Variants in IRS1 observed in about 807,000 individuals in gnomAD.
The protein encoded by IRS1 is insulin receptor substrate 1.
In IRS1, 34 loss-of-function variants were observed where a neutral mutation model predicts 65.6. The observed-to-expected ratio is 0.52, with a 90% CI of 0.39 to 0.69. The LOEUF is 0.69. IRS1 is among the 30% of genes least tolerant of loss of function. The probability of loss-of-function intolerance (pLI) is 0.00; values close to 1 mark genes in which losing one functional copy is unlikely to be tolerated. For synonymous variants in IRS1, 699 were observed against 683.5 expected (o/e 1.02, Z -0.35); for missense variants, 1,641 against 1,720.2 (o/e 0.95, Z 0.81).
At chr2:226,758,490 C>T (rs1452406252) in intron 1 of IRS1, among the ~76,000 whole-genome samples, 1 of 152,080 alleles carries the variant, frequency 6.6e-6, no homozygotes, top group Admixed American at 6.6e-5. Flanking sequence ...AGTTGAATAT[C>T]AGGAAAATGT....
rs1938260281 is a variant in IRS1, at chr2:226,733,051, G to A, written c.*3221C>T. ...TCATGGCTCTCGTTGTCAGTGGATG[G>A]TGAAACCCTTTCCCCCCTTTTTTTA... On this transcript the variant is annotated 3_prime_UTR_variant, in exon 2 of 2. Coordinates refer to ENST00000305123, the MANE Select transcript of IRS1 (RefSeq NM_005544.3). The A allele has an allele frequency of 6.6e-6, 1 of 152,150 alleles. No homozygotes were observed. The highest frequency in any genetic ancestry group is 1.5e-5 in the Non-Finnish European group (1 of 68,038). 9.4% of individuals were successfully genotyped at this position (152,150 alleles called of 1,614,324 possible). A position where few individuals can be genotyped will look rare whatever the true frequency, so the allele number is the denominator to read the frequency against.
chr2:226,751,573 G>A (rs1189997585), intron 1 of IRS1, among the ~76,000 whole-genome samples: 5 of 152,094 alleles, frequency 3.3e-5, no homozygotes, highest in Admixed American at 1.3e-4. Context: ...GTGAGCCACC[G>A]CGCCCGGCCG....
chr2:226,792,670 C>T (rs768872007), intron 1 of IRS1, among the ~76,000 whole-genome samples: 6 of 152,200 alleles, frequency 3.9e-5, no homozygotes, highest in Middle Eastern at 3.2e-3. Flanking sequence ...CCTCATCATA[C>T]CTCTATTCCT....
chr2:226,790,334 A>T (rs967942776), intron 1 of IRS1, among the ~76,000 whole-genome samples: 21 of 138,178 alleles, frequency 1.5e-4, no homozygotes, highest in South Asian at 8.9e-4. Flanking sequence ...ATTGTGATTT[A>T]AAAAAAAAAA....
At chr2:226,745,358 G>A (rs138752897) in intron 1 of IRS1, among the ~76,000 whole-genome samples, 30 of 152,302 alleles carry the variant, frequency 2.0e-4, no homozygotes, top group African/African-American at 7.2e-4. Flanking sequence ...ATTAAAAAAT[G>A]TACTTTAGGG....
Position 226,769,689 on chromosome 2 carries a change from T to C in IRS1, c.*21+25300A>G, listed in dbSNP as rs371464353. Among the ~76,000 whole-genome samples the C allele has an allele frequency of 2.6e-5, 4 of 152,222 alleles. No individual in the cohort carries two copies. In the East Asian group the frequency reaches 5.8e-4, roughly 22 times the overall value. ...ATTGTTTTAGTAGGAATGAGGCAGA[T>C]AACAGGGAAGGACTACTCTTGTCGT... is the stretch of plus-strand genomic sequence containing the variant. On this transcript the variant is annotated intron_variant, in intron 1 of 1. Transcript: ENST00000305123.
In IRS1 at chr2:226,799,257, G is replaced by T; in HGVS notation, c.-519C>A. 1 of 1,142,520 alleles carries T rather than the reference G, an allele frequency of 8.8e-7. No homozygotes were observed. Among genetic ancestry groups the T allele is most frequent in the Non-Finnish European group, 1.1e-6 (1 of 910,742 alleles). The allele number at this position is 1,142,520 out of a possible 1,614,324, so 70.8% of individuals were successfully genotyped here. ...GTTGCCAAGTCCCAACGTTGCACGG[G>T]GTTCTCCCTCCTCCTTCGCCTCCTC... On this transcript the variant is annotated 5_prime_UTR_variant, in exon 1 of 2. Transcript: ENST00000305123. The surrounding 1 kb of genome is among the most constrained non-coding windows in gnomAD (Gnocchi z 6.1).
chr2:226,765,579 T>C (rs761577821), intron 1 of IRS1, among the ~76,000 whole-genome samples: 32 of 152,188 alleles, frequency 2.1e-4, no homozygotes, highest in Non-Finnish European at 4.0e-4. Flanking sequence ...TAATGGACTT[T>C]CCTAGGCTCA....
At position 226,797,543 on chromosome 2, in the gene IRS1, C is replaced by A; in HGVS notation, c.1196G>T (p.Gly399Val). 6.2e-7 allele frequency: 1 copy of A among 1,607,798 alleles called. No homozygotes were observed. The highest frequency in any genetic ancestry group is 8.5e-7 in the Non-Finnish European group (1 of 1,178,006). Residue 399 changes from glycine to valine, a missense_variant, in exon 1 of 2, where the codon GGC becomes GTC. Physicochemically the swap from Gly to Val is moderately radical, Grantham distance 109. This residue lies in a region of IRS1 where 1,324 missense variants were observed against 1,361.0 expected (regional missense o/e 0.97). Transcript: ENST00000305123. This position sits in a 1 kb window ranked among gnomAD's most constrained non-coding sequence, Gnocchi z 8.1. ...PVSLSSSSTS[G>V]HGSTSDCLFP... ...GAGACAATCCGAGGTGGAGCCATGG[C>A]CACTGGTGCTACTGGACGACAGACT...
intron 1 of IRS1, among the ~76,000 whole-genome samples, chr2:226,771,919 T>C (rs1939173254): frequency 6.6e-6 from 1 of 152,212 alleles, no homozygotes; most frequent in South Asian, 2.1e-4. Flanking sequence ...GATTTATACT[T>C]ACAGCTTGTA....
At chr2:226,778,598 A>C (rs1238251457) in intron 1 of IRS1, among the ~76,000 whole-genome samples, 1 of 152,198 alleles carries the variant, frequency 6.6e-6, no homozygotes, top group African/African-American at 2.4e-5. Flanking sequence ...CCACTTTTGC[A>C]TAATAGTCTT....
chr2:226,796,278 A>C lies in IRS1; in HGVS notation c.2461T>G (p.Cys821Gly), dbSNP rs764836359. ...TSSDSLGGGY[C>G]GARLEPSLPH... Reference sequence around the variant, plus strand: ...AGGCTGGGCTCCAGCCTAGCCCCGCAGTATCCCCCACCCAGGCTGTCGCTG... The same window carrying C: ...AGGCTGGGCTCCAGCCTAGCCCCGCCGTATCCCCCACCCAGGCTGTCGCTG... The change falls in exon 1 of 2, where the codon TGC becomes GGC. Residue 821 changes from cysteine to glycine, a missense_variant. Cys to Gly is a radical substitution (Grantham distance 159). Coordinates refer to ENST00000305123, the MANE Select transcript of IRS1 (RefSeq NM_005544.3). 18 of 1,613,440 alleles carry C rather than the reference A, an allele frequency of 1.1e-5. No individual in the cohort carries two copies. In the South Asian group the frequency reaches 2.0e-4, roughly 18 times the overall value.
At chr2:226,774,809 A>T (rs1377691562) in intron 1 of IRS1, among the ~76,000 whole-genome samples, 1 of 152,238 alleles carries the variant, frequency 6.6e-6, no homozygotes, top group Admixed American at 6.5e-5. Flanking sequence ...TCTTAACTGC[A>T]TATTGCTAAG....
At chr2:226,737,990 G>A (rs1938363168) in intron 1 of IRS1, among the ~76,000 whole-genome samples, 2 of 152,178 alleles carry the variant, frequency 1.3e-5, no homozygotes, top group Non-Finnish European at 2.9e-5. Flanking sequence ...AGAGGATGTG[G>A]CTTCACTGGA....
In IRS1 at chr2:226,798,740, C is replaced by T. The variant is rs1218095216; in HGVS notation, c.-2G>A. On this transcript the variant is annotated 5_prime_UTR_variant, in exon 1 of 2. Coordinates refer to ENST00000305123, the MANE Select transcript of IRS1 (RefSeq NM_005544.3). This position sits in a 1 kb window ranked among gnomAD's most constrained non-coding sequence, Gnocchi z 9.4. ...ATCGCTCTCCGGAGGGCTCGCCATGCTGCCACCGCCACCACCAACGCTGAG... is the reference window on the plus strand; with the variant it reads ...ATCGCTCTCCGGAGGGCTCGCCATGTTGCCACCGCCACCACCAACGCTGAG... 1 of 1,609,886 alleles carries T rather than the reference C, an allele frequency of 6.2e-7. No homozygotes were observed. Among genetic ancestry groups the T allele is most frequent in the South Asian group, 1.1e-5 (1 of 90,860 alleles).
intron 1 of IRS1, among the ~76,000 whole-genome samples, chr2:226,772,024 T>C (rs1939175897): frequency 1.3e-5 from 2 of 152,234 alleles, no homozygotes; most frequent in South Asian, 4.1e-4. Context: ...ACCATACTCA[T>C]ACTTCATAAA....
Position 226,797,543 on chromosome 2 carries a change from C to G in IRS1, c.1196G>C (p.Gly399Ala). Reference protein sequence around the residue: ...PVSLSSSSTSGHGSTSDCLFP... With the variant: ...PVSLSSSSTSAHGSTSDCLFP... ...GAGACAATCCGAGGTGGAGCCATGG[C>G]CACTGGTGCTACTGGACGACAGACT... Residue 399 changes from glycine (G) to alanine (A), a missense_variant, in exon 1 of 2, where the codon GGC (glycine) becomes GCC (alanine). This residue lies in a region of IRS1 where 1,324 missense variants were observed against 1,361.0 expected (regional missense o/e 0.97). Transcript: ENST00000305123. This position sits in a 1 kb window ranked among gnomAD's most constrained non-coding sequence, Gnocchi z 8.1. The G allele has an allele frequency of 6.2e-7, 1 of 1,607,798 alleles. No homozygotes were observed. Among genetic ancestry groups the G allele is most frequent in the East Asian group, 2.2e-5 (1 of 44,870 alleles).
intron 1 of IRS1, among the ~76,000 whole-genome samples, chr2:226,775,208 G>A (rs1359239553): frequency 6.6e-6 from 1 of 152,226 alleles, no homozygotes; most frequent in African/African-American, 2.4e-5. Flanking sequence ...AGAATAAGGT[G>A]CTGACCGAAG....
At position 226,797,389 on chromosome 2, in the gene IRS1, C is replaced by T; in HGVS notation, c.1350G>A (p.Leu450=). ...SSFRSVTPDS[L]GHTPPARGEE... ...CACCGCGGGCTGGTGGGGTGTGGCC[C>T]AGGGAATCCGGAGTGACACTGCGGA... The change falls in exon 1 of 2, where the codon CTG becomes CTA. Residue 450 remains leucine, a synonymous_variant. Transcript: ENST00000305123. This position sits in a 1 kb window ranked among gnomAD's most constrained non-coding sequence, Gnocchi z 8.1. The T allele has an allele frequency of 6.2e-7, 1 of 1,612,536 alleles. No individual in the cohort carries two copies. Among genetic ancestry groups the T allele is most frequent in the Non-Finnish European group, 8.5e-7 (1 of 1,179,394 alleles).
Sources: gnomAD v4.1 joint callset for allele counts (sites outside exome capture counted in the v4.1 genomes callset) on GRCh38, gnomAD v4.1.1 for gene constraint, gnomAD v4.1.1 regional missense constraint, Gnocchi (gnomAD v3.1) non-coding constraint, MANE v1.5 for transcripts, NCBI Gene and HGNC (gene_info 2026-07-23, HGNC 2026-07-21) for gene names.